The following PRDM5 variants were observed in gnomAD, a reference collection of about 807,000 sequenced individuals.
The protein encoded by PRDM5 is PR/SET domain 5.
Under a neutral mutation model 81.2 loss-of-function variants are expected in PRDM5, and 56 were observed. The observed-to-expected ratio is 0.69, with a 90% CI of 0.56 to 0.86. The LOEUF (loss-of-function observed/expected upper bound fraction) is 0.86. PRDM5 is among the 40% of genes least tolerant of loss of function. PRDM5 has a pLI of 0.00. For synonymous variants in PRDM5, 267 were observed against 256.4 expected, an observed-to-expected ratio of 1.04 and a Z score of -0.39; for missense variants, 697 against 770.1, an observed-to-expected ratio of 0.91 and a Z score of 1.12.
chr4:120,729,848 G>A (rs755292140), intron 14 of PRDM5, among the ~76,000 whole-genome samples: 54 of 152,138 alleles, frequency 3.5e-4, no homozygotes, highest in Non-Finnish European at 6.9e-4. Context: ...TTTCCTGCGT[G>A]GGGTGTCCCC....
chr4:120,749,057 A>G (rs746235958), intron 14 of PRDM5, among the ~76,000 whole-genome samples: 2 of 152,174 alleles, frequency 1.3e-5, no homozygotes, highest in African/African-American at 2.4e-5. Flanking sequence ...ATAAATCACT[A>G]TTCATAGGAT....
At chr4:120,723,084 A>G (rs1321719174) in intron 14 of PRDM5, among the ~76,000 whole-genome samples, 1 of 152,208 alleles carries the variant, frequency 6.6e-6, no homozygotes, top group Non-Finnish European at 1.5e-5. Flanking sequence ...TCATTACACC[A>G]TATTCTAATG....
At chr4:120,863,683 A>G (rs977052450) in intron 2 of PRDM5, among the ~76,000 whole-genome samples, 3 of 152,314 alleles carry the variant, frequency 2.0e-5, no homozygotes, top group South Asian at 2.1e-4. Context: ...CAAAAAACAA[A>G]CCAACTCCAT....
At chr4:120,743,076 A>C (rs1742339658) in intron 14 of PRDM5, among the ~76,000 whole-genome samples, 1 of 151,940 alleles carries the variant, frequency 6.6e-6, no homozygotes, top group Non-Finnish European at 1.5e-5. Context: ...CTAATAGCGG[A>C]TCTCTCGGCA....
chr4:120,834,255 T>C (rs1397385001), intron 3 of PRDM5, among the ~76,000 whole-genome samples: 1 of 152,152 alleles, frequency 6.6e-6, no homozygotes, highest in Non-Finnish European at 1.5e-5. Context: ...AATTCATATG[T>C]TGAAATCTAA....
chr4:120,798,205 T>C (rs1048674131), intron 10 of PRDM5, 62 bp downstream of exon 10: 98 of 1,302,114 alleles, frequency 7.5e-5, no homozygotes, highest in Non-Finnish European at 9.7e-5. Flanking sequence ...TTATCAAAAA[T>C]AAAAATTGAA....
At chr4:120,842,789 A>G (rs1230825178) in intron 3 of PRDM5, among the ~76,000 whole-genome samples, 1 of 152,158 alleles carries the variant, frequency 6.6e-6, no homozygotes, top group Non-Finnish European at 1.5e-5. Flanking sequence ...ATTCTACTTC[A>G]CACTTTCACT....
At chr4:120,771,024 C>T (rs1395910104) in intron 13 of PRDM5, among the ~76,000 whole-genome samples, 2 of 151,972 alleles carry the variant, frequency 1.3e-5, no homozygotes, top group Non-Finnish European at 2.9e-5. Flanking sequence ...TAACATCTTT[C>T]TCATTTCTTT....
At chr4:120,714,786 T>C (rs1737508856) in intron 14 of PRDM5, among the ~76,000 whole-genome samples, 1 of 152,138 alleles carries the variant, frequency 6.6e-6, no homozygotes, top group African/African-American at 2.4e-5. Context: ...CCAGACAGCA[T>C]TTGTGTTTGC....
intron 1 of PRDM5, among the ~76,000 whole-genome samples, chr4:120,914,185 G>A (rs1203346163): frequency 6.1e-5 from 9 of 146,792 alleles, no homozygotes; most frequent in Non-Finnish European, 1.0e-4. Flanking sequence ...TTCAAATACA[G>A]CACTCAAAAA....
At chr4:120,739,070 A>T (rs1446390297) in intron 14 of PRDM5, among the ~76,000 whole-genome samples, 1 of 152,206 alleles carries the variant, frequency 6.6e-6, no homozygotes, top group African/African-American at 2.4e-5. Context: ...GCTTACTCAG[A>T]TGGCTGGCAG....
At chr4:120,890,130 T>C (rs577584020) in intron 2 of PRDM5, among the ~76,000 whole-genome samples, 41 of 152,310 alleles carry the variant, frequency 2.7e-4, no homozygotes, top group Admixed American at 7.8e-4. Context: ...TGGCTCATGG[T>C]TCCACAGGCT....
At position 120,782,000 on chromosome 4, in the gene PRDM5, G is replaced by A. The variant is rs188343589; in HGVS notation, c.1283-697C>T. ...TCACTTTCTTCTCATTATCCAGCCTGGGGCTGAGGGGAAAGCAACCTCAGA... is the reference window on the plus strand; with the variant it reads ...TCACTTTCTTCTCATTATCCAGCCTAGGGCTGAGGGGAAAGCAACCTCAGA... On this transcript the variant is annotated intron_variant, in intron 11 of 15. Transcript: ENST00000264808. Among the ~76,000 whole-genome samples, 60 of 152,116 alleles carry A rather than the reference G, an allele frequency of 3.9e-4. No homozygotes were observed. In the East Asian group the frequency reaches 0.011, roughly 28 times the overall value.
At chr4:120,737,318 A>T (rs1020464730) in intron 14 of PRDM5, among the ~76,000 whole-genome samples, 61 of 152,190 alleles carry the variant, frequency 4.0e-4, no homozygotes, top group African/African-American at 1.4e-3. Flanking sequence ...CTGCCTAGAC[A>T]GATAGAACTG....
intron 14 of PRDM5, among the ~76,000 whole-genome samples, chr4:120,725,714 A>G (rs1338215467): frequency 6.6e-6 from 1 of 152,180 alleles, no homozygotes; most frequent in Non-Finnish European, 1.5e-5. Flanking sequence ...AGAAAATGCC[A>G]ACTCCGTTTC....
At chr4:120,788,576 C>T (rs908769162) in intron 10 of PRDM5, among the ~76,000 whole-genome samples, 4 of 152,202 alleles carry the variant, frequency 2.6e-5, no homozygotes, top group Non-Finnish European at 5.9e-5. Flanking sequence ...TTGCTCCCAT[C>T]TTCTAAAAAT....
intron 2 of PRDM5, among the ~76,000 whole-genome samples, chr4:120,870,487 G>T (rs62323161): frequency 0.2 from 30,847 of 151,928 alleles, 3,447 homozygotes; most frequent in Non-Finnish European, 0.25. Flanking sequence ...AGTGGGGGGT[G>T]GGGGAAAAAC....
At chr4:120,850,875 T>C (rs941390906) in intron 3 of PRDM5, among the ~76,000 whole-genome samples, 1 of 152,172 alleles carries the variant, frequency 6.6e-6, no homozygotes, top group Non-Finnish European at 1.5e-5. Context: ...CTGTAAGTCT[T>C]AGACAATGTG....
intron 10 of PRDM5, among the ~76,000 whole-genome samples, chr4:120,797,077 A>C (rs1751443506): frequency 6.6e-6 from 1 of 152,310 alleles, no homozygotes; most frequent in African/African-American, 2.4e-5. Flanking sequence ...ACTTGAGCAA[A>C]GGTAAAGTAT....
Sources: gnomAD v4.1 joint callset for allele counts (sites outside exome capture counted in the v4.1 genomes callset) on GRCh38, gnomAD v4.1.1 for gene constraint, MANE v1.5 for transcripts, NCBI Gene and HGNC (gene_info 2026-07-23, HGNC 2026-07-21) for gene names.